BBS9: variants seen among roughly 807,000 people sequenced by gnomAD.
The protein encoded by BBS9 is Bardet-Biedl syndrome 9.
In BBS9, 89 loss-of-function variants were observed where a neutral mutation model predicts 117.7. That is an observed-to-expected ratio of 0.76 (90% CI 0.64 to 0.90). The LOEUF (loss-of-function observed/expected upper bound fraction) is 0.90, where lower values mean the gene tolerates loss of function less well. Ranked by LOEUF, BBS9 falls within the 40% of genes least tolerant of loss-of-function variation. The pLI is 0.00. For missense variants in BBS9, 982 were observed against 1,042.2 expected, an observed-to-expected ratio of 0.94 and a Z score of 0.80; for synonymous variants, 379 against 370.9, an observed-to-expected ratio of 1.02 and a Z score of -0.25.
chr7:33,619,973 G>C (rs1271876409), intron 21 of BBS9, among the ~76,000 whole-genome samples: 1 of 151,962 alleles, frequency 6.6e-6, no homozygotes, highest in Non-Finnish European at 1.5e-5. Flanking sequence ...TAAGACCAAA[G>C]TCAGCATAGG....
At chr7:33,374,548 A>C (rs1823453187) in intron 17 of BBS9, among the ~76,000 whole-genome samples, 1 of 152,190 alleles carries the variant, frequency 6.6e-6, no homozygotes, top group South Asian at 2.1e-4. Flanking sequence ...GTTGAAAAGT[A>C]AGCGTTGAGA....
chr7:33,218,747 G>A (rs1789556246), intron 5 of BBS9, among the ~76,000 whole-genome samples: 1 of 152,254 alleles, frequency 6.6e-6, no homozygotes, highest in African/African-American at 2.4e-5. Flanking sequence ...CATTGTGTTG[G>A]TGATTGACAC....
At position 33,257,331 on chromosome 7, in the gene BBS9, C is replaced by T; in HGVS notation, c.538C>T (p.Leu180=). 1 of 1,613,940 alleles carries T rather than the reference C, an allele frequency of 6.2e-7. No homozygotes were observed. The highest frequency in any genetic ancestry group is 8.5e-7 in the Non-Finnish European group (1 of 1,179,892). The change falls in exon 6 of 23, where the codon CTG becomes TTG. Residue 180 remains leucine, a synonymous_variant. Coordinates refer to ENST00000242067, the MANE Select transcript of BBS9 (RefSeq NM_198428.3). ...TGGAAGATTTCTCCCTGGCTTTCTT[C>T]TGCCTGGTCCTCTTGCCTACAGTTC... ...AFGRFLPGFL[L]PGPLAYSSRT...
chr7:33,273,283 A>G, intron 8 of BBS9, 88 bp downstream of exon 8: 2 of 1,324,922 alleles, frequency 1.5e-6, no homozygotes, highest in Non-Finnish European at 2.2e-6. Flanking sequence ...CACATATTGT[A>G]AACATATATG....
intron 21 of BBS9, among the ~76,000 whole-genome samples, chr7:33,569,904 A>G (rs1013746359): frequency 9.2e-5 from 14 of 152,226 alleles, no homozygotes. Context: ...AAGACATACT[A>G]GTAGTAGTGA....
At chr7:33,276,447 C>G (rs1465261594) in intron 9 of BBS9, among the ~76,000 whole-genome samples, 1 of 152,070 alleles carries the variant, frequency 6.6e-6, no homozygotes, top group Non-Finnish European at 1.5e-5. Flanking sequence ...CAAAAAAGGC[C>G]GTGGACCATG....
intron 9 of BBS9, among the ~76,000 whole-genome samples, chr7:33,303,519 C>CCCG (rs1806955554): frequency 1.6e-5 from 1 of 60,724 alleles, no homozygotes. Context: ...TGAAATGATC[C>CCCG]CCTCCCCCCG....
intron 20 of BBS9, among the ~76,000 whole-genome samples, chr7:33,513,489 A>T (rs1448811822): frequency 6.6e-6 from 1 of 152,198 alleles, no homozygotes; most frequent in Non-Finnish European, 1.5e-5. Context: ...TACTCCATGT[A>T]TTTTCATAAT....
intron 5 of BBS9, among the ~76,000 whole-genome samples, chr7:33,227,727 A>G (rs369835718): frequency 6.6e-6 from 1 of 152,046 alleles, no homozygotes; most frequent in Admixed American, 6.6e-5. Context: ...TCTATTTCTG[A>G]ATTACTTCAC....
At chr7:33,266,692 T>A (rs370186730) in intron 7 of BBS9, among the ~76,000 whole-genome samples, 6 of 152,238 alleles carry the variant, frequency 3.9e-5, no homozygotes, top group African/African-American at 4.8e-5. Flanking sequence ...TGACTGTAAT[T>A]GTGGATTTTT....
intron 19 of BBS9, among the ~76,000 whole-genome samples, chr7:33,406,300 G>A (rs1323018181): frequency 1.3e-5 from 2 of 152,174 alleles, no homozygotes; most frequent in Non-Finnish European, 2.9e-5. Context: ...GTGTGGTGCT[G>A]AAGAAAATAT....
chr7:33,533,263 T>C lies in BBS9; in HGVS notation c.2299-691T>C, dbSNP rs144168649. Among the ~76,000 whole-genome samples the C allele has an allele frequency of 9.2e-5, 14 of 152,330 alleles. No individual in the cohort carries two copies. The East Asian group carries it at 2.7e-3, about 29-fold the overall frequency. ...GACGTTCCTGAATTGCAGCTGTCAC[T>C]GCACTTTTCTAGGTTTTTCACTGCA... is the stretch of plus-strand genomic sequence containing the variant. On this transcript the variant is annotated intron_variant, in intron 20 of 22. Coordinates refer to ENST00000242067, the MANE Select transcript of BBS9 (RefSeq NM_198428.3).
At chr7:33,313,109 A>T (rs1285186498) in intron 9 of BBS9, among the ~76,000 whole-genome samples, 1 of 151,686 alleles carries the variant, frequency 6.6e-6, no homozygotes, top group Non-Finnish European at 1.5e-5. Context: ...TGTGGATAAC[A>T]CTTTGTTGAA....
In BBS9 at chr7:33,334,095, A is replaced by G. The variant is rs181539212; in HGVS notation, c.1017-2346A>G. Among the ~76,000 whole-genome samples, 288 of 152,336 alleles carry G rather than the reference A, an allele frequency of 1.9e-3. 2 individuals carry two copies. Among genetic ancestry groups the G allele is most frequent in the African/African-American group, 6.1e-3 (254 of 41,580 alleles). ...GTTTTTAGAGAGTCTGAAGAAATAT[A>G]TGTATTCTCTATTATCCAAACTCTT... On this transcript the variant is annotated intron_variant, in intron 9 of 22. Coordinates refer to ENST00000242067, the MANE Select transcript of BBS9 (RefSeq NM_198428.3).
rs34915663 is a variant in BBS9, at chr7:33,324,600, ATT to A, written c.1017-11826_1017-11825del. 4.1e-3 allele frequency among the ~76,000 whole-genome samples: 561 copies of A among 135,514 alleles called. 2 individuals carry two copies. Among genetic ancestry groups the A allele is most frequent in the African/African-American group, 0.013 (481 of 36,712 alleles). 88.9% of individuals were successfully genotyped at this position (135,514 alleles called of 152,430 possible). On this transcript the variant is annotated intron_variant, in intron 9 of 22. Transcript: ENST00000242067. ...GATTTCTTATTGCTAGTTAACATCC[ATT>A]TTTTTTTTTTTTTTCCAGATTGAAG... is the stretch of plus-strand genomic sequence containing the variant.
chr7:33,195,228 G>A (rs1013772948), intron 5 of BBS9, among the ~76,000 whole-genome samples: 2 of 152,128 alleles, frequency 1.3e-5, no homozygotes, highest in African/African-American at 4.8e-5. Flanking sequence ...TGCTTAATTA[G>A]TATTTGTTGA....
At chr7:33,211,690 G>A (rs748150630) in intron 5 of BBS9, among the ~76,000 whole-genome samples, 1 of 152,072 alleles carries the variant, frequency 6.6e-6, no homozygotes, top group Non-Finnish European at 1.5e-5. Flanking sequence ...AATGTGTTTT[G>A]TACCTTCAGG....
chr7:33,539,642 C>T (rs1229471000), intron 21 of BBS9, among the ~76,000 whole-genome samples: 12 of 152,206 alleles, frequency 7.9e-5, no homozygotes. Context: ...GTTTTCCTAG[C>T]AGTCTCTCTT....
At chr7:33,372,554 CT>C (rs1417028318) in intron 17 of BBS9, among the ~76,000 whole-genome samples, 1 of 152,042 alleles carries the variant, frequency 6.6e-6, no homozygotes, top group African/African-American at 2.4e-5. Flanking sequence ...ATTTGGTTTG[CT>C]AGTATTTTGT....
Sources: allele counts gnomAD v4.1 joint callset (sites outside exome capture counted in the v4.1 genomes callset), GRCh38; gene constraint gnomAD v4.1.1; transcripts MANE v1.5; gene names NCBI Gene and HGNC (gene_info 2026-07-23, HGNC 2026-07-21).